The following POLE variants were observed in gnomAD, a reference collection of about 807,000 sequenced individuals.
POLE encodes DNA polymerase epsilon, catalytic subunit, also known as DNA polymerase epsilon catalytic subunit A.
A neutral mutation model predicts 279.2 loss-of-function variants in POLE; 188 were observed. That is an observed-to-expected ratio of 0.67 (90% CI 0.60 to 0.76). The LOEUF is 0.76. Among genes scored for constraint, POLE ranks in the 30% least tolerant of loss-of-function variants. The pLI, the probability that POLE is intolerant of heterozygous loss-of-function variation, is 0.00. For missense variants in POLE, 2,703 were observed against 3,016.7 expected (o/e 0.90, Z 2.44); for synonymous variants, 1,214 against 1,172.5 (o/e 1.04, Z -0.72).
chr12:132,681,271 C>T lies in POLE; in HGVS notation c.71G>A (p.Gly24Asp), dbSNP rs2043162480. 1 of 1,614,218 alleles carries T rather than the reference C, an allele frequency of 6.2e-7. No individual in the cohort carries two copies. The highest frequency in any genetic ancestry group is 8.5e-7 in the Non-Finnish European group (1 of 1,180,028). The part of the protein sequence containing the change: ...GADGEASRDD[G>D]ATSSVSALKR... ...GAGTGCCGAAACTGAGGAAGTGGCGCCATCATCCCTGAGTGAAAGAAGGGA... is the reference window on the plus strand; with the variant it reads ...GAGTGCCGAAACTGAGGAAGTGGCGTCATCATCCCTGAGTGAAAGAAGGGA... Residue 24 changes from glycine to aspartate, a missense_variant, in exon 2 of 49, where the codon GGC (glycine) becomes GAC (aspartate). By Grantham distance (94) the Gly-to-Asp change is moderately conservative. Around this residue, in one of 5 missense-constraint regions of POLE, gnomAD observed 1,011 missense variants for 1,111.7 expected, o/e 0.91. Coordinates refer to ENST00000320574, the MANE Select transcript of POLE (RefSeq NM_006231.4).
At chr12:132,631,296 G>A (rs1041667479) in intron 45 of POLE, among the ~76,000 whole-genome samples, 4 of 152,158 alleles carry the variant, frequency 2.6e-5, no homozygotes, top group African/African-American at 9.7e-5. Context: ...AGGTGAGGAG[G>A]GCAGTGCGGG....
At chr12:132,682,271 G>A (rs943708612) in intron 1 of POLE, among the ~76,000 whole-genome samples, 3 of 149,740 alleles carry the variant, frequency 2.0e-5, no homozygotes, top group Non-Finnish European at 4.4e-5. Flanking sequence ...TCCAGCCTGG[G>A]CAGCAGAGCG....
At position 132,676,569 on chromosome 12, in the gene POLE, T is replaced by TCATCATA; in HGVS notation, c.879_885dup (p.Ile296TyrfsTer25). The TCATCATA allele has an allele frequency of 6.2e-7, 1 of 1,613,328 alleles. No individual in the cohort carries two copies. Among genetic ancestry groups the TCATCATA allele is most frequent in the Non-Finnish European group, 8.5e-7 (1 of 1,179,322 alleles). ...ACCTGGCCATCGATCATGTAGGAAA[T>TCATCATA]CATCATAATCTGGTCTGTCTCAGCA... is the stretch of plus-strand genomic sequence containing the variant. On this transcript the variant is annotated frameshift_variant, in exon 9 of 49. Coordinates refer to ENST00000320574, the MANE Select transcript of POLE (RefSeq NM_006231.4). LOFTEE classifies it high-confidence loss of function.
chr12:132,675,258 C>T lies in POLE; in HGVS notation c.1226+140G>A, dbSNP rs188774488. 285 of 1,034,924 alleles carry T rather than the reference C, an allele frequency of 2.8e-4. No individual in the cohort carries two copies. In the African/African-American group the frequency reaches 4.3e-3, roughly 15 times the overall value. The allele number at this position is 1,034,924 out of a possible 1,614,324, so 64.1% of individuals were successfully genotyped here. Reference sequence around the variant, plus strand: ...CCGGGCCCTGGCAGGGTTGCAGCTGCCATACTCTTGGGTGACCTGAAACGG... The same window carrying T: ...CCGGGCCCTGGCAGGGTTGCAGCTGTCATACTCTTGGGTGACCTGAAACGG... On this transcript the variant is annotated intron_variant, in intron 12 of 48. Transcript: ENST00000320574. This position sits in a 1 kb window ranked among gnomAD's most constrained non-coding sequence, Gnocchi z 4.3.
At chr12:132,683,368 TGAA>T (rs1482390161) in intron 1 of POLE, among the ~76,000 whole-genome samples, 3 of 152,034 alleles carry the variant, frequency 2.0e-5, no homozygotes, top group African/African-American at 7.3e-5. Flanking sequence ...GTTCTGAAGA[TGAA>T]GAAGCAGCAA....
chr12:132,669,057 A>C, intron 16 of POLE, 118 bp from the exon 17 acceptor site: 1 of 899,182 alleles, frequency 1.1e-6, no homozygotes, highest in African/African-American at 1.7e-5. Context: ...AAATAGAGCA[A>C]AAACTAGCCA....
Position 132,639,175 on chromosome 12 carries a change from G to A in POLE, c.5502C>T (p.Asp1834=), listed in dbSNP as rs1555221903. ...WLRSPSSLLH[D]PALHRTLHNM... is the part of the protein sequence containing the mutation. The stretch of plus-strand genomic sequence containing the variant: ...TGTGGAGTGTGCGGTGCAGGGCAGG[G>A]TCATGAAGCAGAGAGGATGGCGACC... Residue 1834 remains aspartate, a synonymous_variant, in exon 40 of 49, where the codon GAC becomes GAT. Coordinates refer to ENST00000320574, the MANE Select transcript of POLE (RefSeq NM_006231.4). The surrounding 1 kb of genome is among the most constrained non-coding windows in gnomAD (Gnocchi z 4.7). 1.9e-6 allele frequency: 3 copies of A among 1,614,158 alleles called. No individual in the cohort carries two copies. Among genetic ancestry groups the A allele is most frequent in the Non-Finnish European group, 2.5e-6 (3 of 1,180,008 alleles).
At position 132,686,131 on chromosome 12, in the gene POLE, C is replaced by A. The variant is rs374362573; in HGVS notation, c.62+1123G>T. ...ACCTCAGGTGATCCTCCTGCCTCGG[C>A]CTCCCAAAGTGCTGGGATTACAGGT... On this transcript the variant is annotated intron_variant, in intron 1 of 48. Transcript: ENST00000320574. Among the ~76,000 whole-genome samples, 98 of 152,180 alleles carry A rather than the reference C, an allele frequency of 6.4e-4. 1 individual carries two copies. The highest frequency in any genetic ancestry group is 2.1e-3 in the African/African-American group (86 of 41,524).
chr12:132,655,713 C>T (rs990718522), intron 29 of POLE, among the ~76,000 whole-genome samples: 2 of 152,134 alleles, frequency 1.3e-5, no homozygotes. Context: ...TAACAATAGT[C>T]CTTATGTTTC....
Position 132,649,781 on chromosome 12 carries a change from T to G in POLE, c.3691A>C (p.Arg1231=), listed in dbSNP as rs1188872061. ...TGGCTCTCCCAAAGAACTCGCTTCC[T>G]CTTCACAGTGACAGGGGCTGCTGGG... ...PHPAAPVTVK[R]KRVLWESQEE... The change falls in exon 30 of 49, where the codon AGG becomes CGG. Residue 1231 remains arginine (R), a synonymous_variant. Transcript: ENST00000320574. 6.2e-7 allele frequency: 1 copy of G among 1,614,186 alleles called. No homozygotes were observed. Among genetic ancestry groups the G allele is most frequent in the Non-Finnish European group, 8.5e-7 (1 of 1,180,040 alleles).
At chr12:132,631,353 C>T (rs2041929560) in intron 45 of POLE, among the ~76,000 whole-genome samples, 1 of 152,146 alleles carries the variant, frequency 6.6e-6, no homozygotes, top group Non-Finnish European at 1.5e-5. Flanking sequence ...GATGATGATG[C>T]AATTCCATTC....
At chr12:132,656,759 T>C (rs2042549077) in intron 29 of POLE, among the ~76,000 whole-genome samples, 1 of 152,250 alleles carries the variant, frequency 6.6e-6, no homozygotes, top group Admixed American at 6.5e-5. Flanking sequence ...CTTCTGACTT[T>C]CACTGTACCT....
rs2041789936 is a variant in POLE at position 132,624,516 on chromosome 12, TC to T, written c.*180del. ...AGGGCCACATCCTGCTCCCGCTCCC[TC>T]CTGTGACGTCTGAGCTCCCTGAAAA... On this transcript the variant is annotated 3_prime_UTR_variant, in exon 49 of 49. Transcript: ENST00000320574. 1.8e-5 allele frequency: 11 copies of T among 616,426 alleles called. No individual in the cohort carries two copies. In the East Asian group the frequency reaches 3.0e-4, roughly 17 times the overall value. 38.2% of individuals were successfully genotyped at this position (616,426 alleles called of 1,614,324 possible). A position where few individuals can be genotyped will look rare whatever the true frequency, so the allele number is the denominator to read the frequency against.
At chr12:132,663,037 G>A (rs995329882) in intron 23 of POLE, among the ~76,000 whole-genome samples, 2 of 152,232 alleles carry the variant, frequency 1.3e-5, no homozygotes, top group Non-Finnish European at 2.9e-5. Context: ...CGTAACTGCT[G>A]CAGGTGCGGC....
chr12:132,657,872 C>T lies in POLE; in HGVS notation c.3374G>A (p.Arg1125Gln), dbSNP rs1565953956. ...GAGAACGCAACTGGCACTCACTGCT[C>T]GAATATCAAAGTCTTGAAGGGAAGA... Reference protein sequence around the residue: ...KSSSLQDFDIRAILDWDYYIE... With the variant: ...KSSSLQDFDIQAILDWDYYIE... The change falls in exon 27 of 49, where the codon CGA (arginine) becomes CAA (glutamine). Residue 1125 changes from arginine (R) to glutamine (Q), a missense_variant. Transcript: ENST00000320574. 6.2e-7 allele frequency: 1 copy of T among 1,608,170 alleles called. No individual in the cohort carries two copies. Among genetic ancestry groups the T allele is most frequent in the Non-Finnish European group, 8.5e-7 (1 of 1,174,600 alleles).
chr12:132,625,537 A>G (rs2041818334), intron 47 of POLE, 108 bp downstream of exon 47: 1 of 1,411,062 alleles, frequency 7.1e-7, no homozygotes. Flanking sequence ...GCCCCTTGGA[A>G]GACACCAGGG....
intron 45 of POLE, 104 bp downstream of exon 45, chr12:132,632,211 C>G (rs750267353): frequency 1.2e-6 from 1 of 862,988 alleles, no homozygotes; most frequent in East Asian, 2.6e-5. Flanking sequence ...TACGCTAGCA[C>G]GTTCATGGTG....
At chr12:132,678,669 T>C (rs1337790561) in intron 6 of POLE, among the ~76,000 whole-genome samples, 2 of 152,160 alleles carry the variant, frequency 1.3e-5, no homozygotes, top group African/African-American at 4.8e-5. Context: ...ATGGTCCTGA[T>C]ACTCAGGAGG....
chr12:132,679,455 G>T, intron 6 of POLE, 42 bp downstream of exon 6: 1 of 1,574,668 alleles, frequency 6.4e-7, no homozygotes, highest in Non-Finnish European at 8.7e-7. Flanking sequence ...CCATCTTGTC[G>T]TTCTGAACCG....
Sources: gnomAD v4.1 joint callset for allele counts (sites outside exome capture counted in the v4.1 genomes callset) on GRCh38, gnomAD v4.1.1 for gene constraint, gnomAD v4.1.1 regional missense constraint, Gnocchi (gnomAD v3.1) non-coding constraint, MANE v1.5 for transcripts, NCBI Gene and HGNC (gene_info 2026-07-23, HGNC 2026-07-21) for gene names.